The following CCDC88A variants were observed in gnomAD, a reference collection of about 807,000 sequenced individuals.
CCDC88A encodes girdin.
CCDC88A carries 54 observed loss-of-function variants against 234.3 expected under a neutral mutation model. The ratio of observed to expected loss-of-function variants is 0.23; its 90% confidence interval spans 0.19 to 0.29. The LOEUF is 0.29. CCDC88A is among the 10% of genes least tolerant of loss of function. The pLI, the probability that CCDC88A is intolerant of heterozygous loss-of-function variation, is 1.00. For synonymous variants in CCDC88A, 753 were observed against 737.8 expected (o/e 1.02, Z -0.33); for missense variants, 1,832 against 2,123.4 (o/e 0.86, Z 2.70).
intron 8 of CCDC88A, chr2:55,350,117 C>T (rs2589088): frequency 0.42 from 64,056 of 152,230 alleles, 14,200 homozygotes; most frequent in East Asian, 0.85. Flanking sequence ...CGGGGTTTCA[C>T]CATGTTACTC....
intron 2 of CCDC88A, among the ~76,000 whole-genome samples, chr2:55,408,008 G>A (rs1035751672): frequency 4.6e-5 from 7 of 151,688 alleles, no homozygotes; most frequent in African/African-American, 9.7e-5. Flanking sequence ...GTGAGCCACC[G>A]CGCCTGGCCC....
intron 17 of CCDC88A, chr2:55,324,295 G>A (rs1412201931): frequency 6.6e-6 from 1 of 152,104 alleles, no homozygotes; most frequent in Admixed American, 6.6e-5. Context: ...AGTGTAATTC[G>A]GTAGTTTTGA....
In CCDC88A at chr2:55,309,910, GT is replaced by G. The variant is rs1682120410; in HGVS notation, c.4080-657del. Among the ~76,000 whole-genome samples, 3 of 152,022 alleles carry G rather than the reference GT, an allele frequency of 2.0e-5. No homozygotes were observed. In the South Asian group the frequency reaches 6.2e-4, roughly 31 times the overall value. On this transcript the variant is annotated intron_variant, in intron 23 of 32. Transcript: ENST00000436346. This position sits in a 1 kb window ranked among gnomAD's most constrained non-coding sequence, Gnocchi z 5.1. ...TAATAACATATAATATTGTGTGTGT[GT>G]ATATATATAAAATGACTATATAATC...
At chr2:55,337,798 C>T (rs1667984873) in intron 13 of CCDC88A, 1 of 152,068 alleles carries the variant, frequency 6.6e-6, no homozygotes, top group African/African-American at 2.4e-5. Flanking sequence ...TGAGATCGCA[C>T]CACTGCACTC....
chr2:55,393,515 G>A (rs1677043047), intron 2 of CCDC88A, among the ~76,000 whole-genome samples: 1 of 151,562 alleles, frequency 6.6e-6, no homozygotes, highest in African/African-American at 2.4e-5. Flanking sequence ...AATGATCTCA[G>A]CCTCTTGACC....
At position 55,397,740 on chromosome 2, in the gene CCDC88A, A is replaced by T. The variant is rs182466772; in HGVS notation, c.165-8854T>A. Among the ~76,000 whole-genome samples, 418 of 152,214 alleles carry T rather than the reference A, an allele frequency of 2.7e-3. 2 individuals carry two copies. Among genetic ancestry groups the T allele is most frequent in the African/African-American group, 1.0e-2 (414 of 41,566 alleles). On this transcript the variant is annotated intron_variant, in intron 2 of 32. Transcript: ENST00000436346. ...TTAAATTTTGTGTCCAATATTCCTC[A>T]CATGATATCTTGAAATGTATTCAGT...
intron 2 of CCDC88A, chr2:55,394,320 C>T (rs1166476662): frequency 6.6e-6 from 1 of 152,104 alleles, no homozygotes; most frequent in East Asian, 1.9e-4. Flanking sequence ...TTTTCTTAAT[C>T]CAGTCTATCA....
At chr2:55,300,016 T>C in intron 28 of CCDC88A, 97 bp from the exon 29 acceptor site, 1 of 823,320 alleles carries the variant, frequency 1.2e-6, no homozygotes, top group Non-Finnish European at 2.1e-6. Flanking sequence ...GAGGAAGCAA[T>C]CATGCATACT....
At chr2:55,389,924 G>A (rs1364224797) in intron 2 of CCDC88A, among the ~76,000 whole-genome samples, 1 of 151,028 alleles carries the variant, frequency 6.6e-6, no homozygotes, top group African/African-American at 2.4e-5. Context: ...AACTGTAGTC[G>A]CAGCTACTTG....
In CCDC88A at chr2:55,336,733, T is replaced by A. The variant is rs376900917; in HGVS notation, c.1604A>T (p.Lys535Ile). 4 of 1,599,640 alleles carry A rather than the reference T, an allele frequency of 2.5e-6. No homozygotes were observed. Among genetic ancestry groups the A allele is most frequent in the Non-Finnish European group, 3.4e-6 (4 of 1,172,346 alleles). Residue 535 changes from lysine to isoleucine, a missense_variant, in exon 14 of 33, where the codon AAA (lysine) becomes ATA (isoleucine). Physicochemically the swap from Lys to Ile is moderately radical, Grantham distance 102. Transcript: ENST00000436346. The part of the protein sequence containing the change: ...QNLSKDLMKE[K>I]AQLEKTIETL... ...TTCTATTGTTTTTTCAAGCTGAGCT[T>A]TCTCCTTCATTAGATCCTTGCTTAA...
intron 2 of CCDC88A, among the ~76,000 whole-genome samples, chr2:55,416,443 AATAT>A (rs60840841): frequency 4.0e-3 from 64 of 15,838 alleles, no homozygotes; most frequent in East Asian, 8.1e-3. Context: ...TAAATAAATA[AATAT>A]ATATATATAT....
intron 2 of CCDC88A, among the ~76,000 whole-genome samples, chr2:55,406,736 G>A (rs1293820182): frequency 2.0e-5 from 3 of 147,420 alleles, no homozygotes; most frequent in Non-Finnish European, 4.5e-5. Flanking sequence ...TCCAACTTGG[G>A]TGACACAGGG....
intron 5 of CCDC88A, 74 bp from the exon 6 acceptor site, chr2:55,364,107 CT>C: frequency 1.5e-6 from 1 of 647,086 alleles, no homozygotes. Flanking sequence ...ATAACTAAAA[CT>C]TTATGAGGTT....
intron 26 of CCDC88A, among the ~76,000 whole-genome samples, chr2:55,302,392 G>A (rs1222475450): frequency 6.6e-6 from 1 of 152,214 alleles, no homozygotes; most frequent in African/African-American, 2.4e-5. Context: ...TCACAATGTG[G>A]TTTTGTGGTG....
intron 5 of CCDC88A, among the ~76,000 whole-genome samples, chr2:55,370,581 C>T (rs2104814871): frequency 7.7e-6 from 1 of 130,482 alleles, no homozygotes; most frequent in Non-Finnish European, 1.5e-5. Flanking sequence ...GCAGAGGTTG[C>T]AGTGAGCCAA....
rs965976491 is a variant in CCDC88A, at chr2:55,383,554, C to T, written c.273+5224G>A. Among the ~76,000 whole-genome samples, 6 of 150,106 alleles carry T rather than the reference C, an allele frequency of 4.0e-5. 1 individual carries two copies. Among genetic ancestry groups the T allele is most frequent in the African/African-American group, 9.8e-5 (4 of 40,768 alleles). On this transcript the variant is annotated intron_variant, in intron 3 of 32. Transcript: ENST00000436346. ...AGGAGAATCGCTTGAACCCGGGAGG[C>T]GGAGGTTGCAGTGAGTCAAGATTGT...
At chr2:55,320,508 T>C (rs536735173) in intron 18 of CCDC88A, among the ~76,000 whole-genome samples, 26 of 152,248 alleles carry the variant, frequency 1.7e-4, no homozygotes, top group African/African-American at 5.3e-4. Flanking sequence ...GTAATTTTTT[T>C]CCAATGAGAA....
intron 12 of CCDC88A, among the ~76,000 whole-genome samples, chr2:55,341,406 G>C (rs1453988197): frequency 1.3e-5 from 2 of 150,544 alleles, no homozygotes; most frequent in African/African-American, 4.9e-5. Flanking sequence ...CCAGAGTGCT[G>C]GGATTACAGG....
At chr2:55,339,805 A>G in intron 12 of CCDC88A, 157 bp from the exon 13 acceptor site, 1 of 545,114 alleles carries the variant, frequency 1.8e-6, no homozygotes, top group Non-Finnish European at 3.0e-6. Flanking sequence ...ACAAGATAAA[A>G]GAAGTAAATC....
Sources: gnomAD v4.1 joint callset for allele counts (sites outside exome capture counted in the v4.1 genomes callset) on GRCh38, gnomAD v4.1.1 for gene constraint, Gnocchi (gnomAD v3.1) non-coding constraint, MANE v1.5 for transcripts, NCBI Gene and HGNC (gene_info 2026-07-23, HGNC 2026-07-21) for gene names.